The following SNX18 variants were observed in gnomAD, a reference collection of about 807,000 sequenced individuals.
The protein encoded by SNX18 is sorting nexin-18.
SNX18 carries 35 observed loss-of-function variants against 48.7 expected under a neutral mutation model. The observed-to-expected ratio is 0.72, with a 90% CI of 0.55 to 0.95. SNX18 has a LOEUF of 0.95. Among genes scored for constraint, SNX18 ranks in the 40% least tolerant of loss-of-function variants. SNX18 has a pLI of 0.00. For synonymous variants in SNX18, 492 were observed against 384.7 expected, an observed-to-expected ratio of 1.28 and a Z score of -3.26; for missense variants, 824 against 871.0, an observed-to-expected ratio of 0.95 and a Z score of 0.68.
At position 54,518,504 on chromosome 5, in the gene SNX18, G is replaced by A; in HGVS notation, c.552G>A (p.Ser184=). ...ACCCGGACCTCGACGGCTCGTCTTC[G>A]GCGGGTGTGGGCGCAGCCGGCCGCT... ...GAYPDLDGSS[S]AGVGAAGRYR... Residue 184 remains serine (S), a synonymous_variant, in exon 1 of 2, where the codon TCG becomes TCA. Transcript: ENST00000381410. 1 of 1,551,266 alleles carries A rather than the reference G, an allele frequency of 6.4e-7. No individual in the cohort carries two copies. Among genetic ancestry groups the A allele is most frequent in the Non-Finnish European group, 8.7e-7 (1 of 1,148,086 alleles).
the SNX18 span, chr5:54,645,810 T>C: frequency 6.6e-6 from 1 of 152,234 alleles, no homozygotes; most frequent in Non-Finnish European, 1.5e-5. Flanking sequence ...CTTCTTAATT[T>C]TGTGAACACC....
chr5:54,595,409 G>A, the SNX18 span, among the ~76,000 whole-genome samples: 1 of 151,850 alleles, frequency 6.6e-6, no homozygotes, highest in African/African-American at 2.4e-5. Context: ...CTAATTTTTT[G>A]TATTTTTAGT....
chr5:54,555,104 G>A, the SNX18 span, among the ~76,000 whole-genome samples: 1 of 152,198 alleles, frequency 6.6e-6, no homozygotes, highest in African/African-American at 2.4e-5. Flanking sequence ...CGCTGGTTCA[G>A]CCTTCCAAGT....
intron 1 of SNX18, among the ~76,000 whole-genome samples, chr5:54,542,865 C>T (rs1762497461): frequency 6.6e-6 from 1 of 152,130 alleles, no homozygotes; most frequent in African/African-American, 2.4e-5. Context: ...TTTTTAAGGA[C>T]ATTTCCTTGC....
the SNX18 span, among the ~76,000 whole-genome samples, chr5:54,647,276 C>T: frequency 6.6e-6 from 1 of 152,174 alleles, no homozygotes; most frequent in Non-Finnish European, 1.5e-5. Context: ...TCGTATTGCC[C>T]TTACTGGGCT....
At chr5:54,526,398 G>A (rs556976476) in intron 1 of SNX18, among the ~76,000 whole-genome samples, 2 of 152,182 alleles carry the variant, frequency 1.3e-5, no homozygotes, top group Admixed American at 6.5e-5. Flanking sequence ...GTGAGCCACC[G>A]TGCCCAGCCT....
At chr5:54,573,961 C>A in the SNX18 span, among the ~76,000 whole-genome samples, 1 of 152,200 alleles carries the variant, frequency 6.6e-6, no homozygotes, top group South Asian at 2.1e-4. Context: ...TTAGCATTAT[C>A]CTGTTACCAA....
At chr5:54,638,836 C>T in the SNX18 span, among the ~76,000 whole-genome samples, 1 of 152,240 alleles carries the variant, frequency 6.6e-6, no homozygotes, top group South Asian at 2.1e-4. Flanking sequence ...GGATCTGAGC[C>T]CTGGCCACAC....
the SNX18 span, among the ~76,000 whole-genome samples, chr5:54,646,881 A>G: frequency 7.2e-5 from 11 of 152,168 alleles, no homozygotes; most frequent in Non-Finnish European, 1.6e-4. Context: ...CTTGTTTTCA[A>G]CAGGCCTCCT....
At chr5:54,538,626 A>G (rs1482695922) in intron 1 of SNX18, among the ~76,000 whole-genome samples, 1 of 152,226 alleles carries the variant, frequency 6.6e-6, no homozygotes, top group Non-Finnish European at 1.5e-5. Flanking sequence ...AAAGATGTAT[A>G]TATTTTAAAA....
chr5:54,517,940 G>A lies in SNX18; in HGVS notation c.-13G>A, dbSNP rs762809203. The A allele has an allele frequency of 6.7e-6, 10 of 1,499,412 alleles. No homozygotes were observed. The highest frequency in any genetic ancestry group is 8.9e-6 in the Non-Finnish European group (10 of 1,128,238). 92.9% of individuals were successfully genotyped at this position (1,499,412 alleles called of 1,614,324 possible). A position where few individuals can be genotyped will look rare whatever the true frequency, so the allele number is the denominator to read the frequency against. On this transcript the variant is annotated 5_prime_UTR_variant, in exon 1 of 2. Coordinates refer to ENST00000381410, the MANE Select transcript of SNX18 (RefSeq NM_001102575.2). ...CGCCGGGAGTCGGGACCGCCAGTCG[G>A]GGCGCCGGGACCATGGCGCTGCGCG...
rs531066338 is a variant in SNX18, at chr5:54,518,585, C to T, written c.633C>T (p.Pro211=). Residue 211 remains proline, a synonymous_variant, in exon 1 of 2, where the codon CCC becomes CCT. Transcript: ENST00000381410. ...LSLGSRGGSV[P]PQHHPSGPKS... ...TGGGTTCCCGCGGCGGCTCGGTCCCCCCGCAGCACCACCCGTCGGGGCCCA... is the reference window on the plus strand; with the variant it reads ...TGGGTTCCCGCGGCGGCTCGGTCCCTCCGCAGCACCACCCGTCGGGGCCCA... 80 of 1,580,936 alleles carry T rather than the reference C, an allele frequency of 5.1e-5. No homozygotes were observed. In the African/African-American group the frequency reaches 7.3e-4, roughly 14 times the overall value.
chr5:54,584,120 A>G, the SNX18 span, among the ~76,000 whole-genome samples: 1 of 141,002 alleles, frequency 7.1e-6, no homozygotes, highest in African/African-American at 2.7e-5. Flanking sequence ...GCACAATCTC[A>G]GCTCATTGTA....
intron 1 of SNX18, among the ~76,000 whole-genome samples, chr5:54,526,154 C>T (rs1028117586): frequency 3.9e-5 from 6 of 152,184 alleles, no homozygotes; most frequent in Admixed American, 3.9e-4. Context: ...ACCTAGGCTG[C>T]AGTGCAGTGA....
chr5:54,582,389 A>G, the SNX18 span, among the ~76,000 whole-genome samples: 1 of 152,190 alleles, frequency 6.6e-6, no homozygotes, highest in Non-Finnish European at 1.5e-5. Flanking sequence ...AGAAAAGCTC[A>G]TGATGCAATG....
chr5:54,638,149 A>AC, the SNX18 span, among the ~76,000 whole-genome samples: 1 of 152,274 alleles, frequency 6.6e-6, no homozygotes, highest in African/African-American at 2.4e-5. Context: ...GCTTTCTTTA[A>AC]CAATGGCTGC....
At chr5:54,613,943 C>T in the SNX18 span, among the ~76,000 whole-genome samples, 8 of 152,282 alleles carry the variant, frequency 5.3e-5, no homozygotes, top group Admixed American at 4.6e-4. Flanking sequence ...GATCTGCCTG[C>T]CTCGGCCTCT....
chr5:54,584,018 G>A, the SNX18 span, among the ~76,000 whole-genome samples: 3 of 151,648 alleles, frequency 2.0e-5, no homozygotes, highest in South Asian at 6.2e-4. Flanking sequence ...CAGGAGGGAG[G>A]CTGTTTCTGG....
At chr5:54,551,480 TTAC>T, downstream of SNX18, among the ~76,000 whole-genome samples, 1 of 152,216 alleles carries the variant, frequency 6.6e-6, no homozygotes, top group South Asian at 2.1e-4. Context: ...TTGCAACTAA[TTAC>T]GTAAGATCCT....
Sources: allele counts gnomAD v4.1 joint callset (sites outside exome capture counted in the v4.1 genomes callset), GRCh38; gene constraint gnomAD v4.1.1; transcripts MANE v1.5; gene names NCBI Gene and HGNC (gene_info 2026-07-23, HGNC 2026-07-21).